TBCA: variants seen among roughly 807,000 people sequenced by gnomAD.
The protein encoded by TBCA is tubulin-specific chaperone A.
A neutral mutation model predicts 15.8 loss-of-function variants in TBCA; 6 were observed. The ratio of observed to expected loss-of-function variants is 0.38; its 90% confidence interval spans 0.21 to 0.75. The LOEUF (loss-of-function observed/expected upper bound fraction) is 0.75. Ranked by LOEUF, TBCA falls within the 30% of genes least tolerant of loss-of-function variation. The pLI is 0.46. For missense variants in TBCA, 90 were observed against 131.2 expected (o/e 0.69, Z 1.53); for synonymous variants, 32 against 42.3 (o/e 0.76, Z 0.94).
rs544450969 is a variant in TBCA, at chr5:77,739,450, C to T, written c.54-31103G>A. 2.0e-5 allele frequency among the ~76,000 whole-genome samples: 3 copies of T among 152,290 alleles called. No homozygotes were observed. In the South Asian group the frequency reaches 6.2e-4, roughly 32 times the overall value. ...CACTCTAAACAGAGTGAGTGAGGCGCTGTCTCAACAACAACAAAAGTTTGA... is the reference window on the plus strand; with the variant it reads ...CACTCTAAACAGAGTGAGTGAGGCGTTGTCTCAACAACAACAAAAGTTTGA... On this transcript the variant is annotated intron_variant, in intron 1 of 3. Coordinates refer to ENST00000380377, the MANE Select transcript of TBCA (RefSeq NM_004607.3).
At chr5:77,743,788 T>G (rs1263758096) in intron 1 of TBCA, among the ~76,000 whole-genome samples, 1 of 152,118 alleles carries the variant, frequency 6.6e-6, no homozygotes, top group Admixed American at 6.5e-5. Context: ...CTTCTGGGAG[T>G]TTTCACATCT....
At chr5:77,692,564 C>T in intron 3 of TBCA, 1 of 984,182 alleles carries the variant, frequency 1.0e-6, no homozygotes, top group Non-Finnish European at 1.2e-6. Flanking sequence ...GGATTACAGG[C>T]ATGAGCCACT....
At chr5:77,693,076 A>G in intron 3 of TBCA, 190 bp downstream of exon 3, 1 of 1,455,060 alleles carries the variant, frequency 6.9e-7, no homozygotes, top group South Asian at 1.5e-5. Context: ...AGAAAACAGT[A>G]CTTTTACTGG....
intron 1 of TBCA, among the ~76,000 whole-genome samples, chr5:77,730,213 G>A (rs1746733656): frequency 6.6e-6 from 1 of 152,146 alleles, no homozygotes; most frequent in Admixed American, 6.5e-5. Context: ...ATATAGTTAT[G>A]ATGGGGTCAT....
intron 1 of TBCA, among the ~76,000 whole-genome samples, chr5:77,768,078 C>A (rs1194232223): frequency 6.6e-6 from 1 of 152,192 alleles, no homozygotes; most frequent in East Asian, 1.9e-4. Flanking sequence ...CAGGCCCTCA[C>A]CAGATACTTG....
At chr5:77,757,314 G>A (rs1747498161) in intron 1 of TBCA, among the ~76,000 whole-genome samples, 1 of 152,080 alleles carries the variant, frequency 6.6e-6, no homozygotes, top group South Asian at 2.1e-4. Flanking sequence ...TACTTGCCTA[G>A]GAACGGGACC....
At chr5:77,774,256 CT>C (rs1747973056) in intron 1 of TBCA, among the ~76,000 whole-genome samples, 1 of 152,148 alleles carries the variant, frequency 6.6e-6, no homozygotes, top group Non-Finnish European at 1.5e-5. Context: ...AAATATATTT[CT>C]TTACATATTT....
Position 77,746,181 on chromosome 5 carries a change from C to A in TBCA, c.53+30024G>T, listed in dbSNP as rs555335821. On this transcript the variant is annotated intron_variant, in intron 1 of 3. Coordinates refer to ENST00000380377, the MANE Select transcript of TBCA (RefSeq NM_004607.3). Reference sequence around the variant, plus strand: ...TGGTAGCTCAGACCTGTAATCCCAGCACTTAGGGAGGCCAAGGAAGAAGCA... The same window carrying A: ...TGGTAGCTCAGACCTGTAATCCCAGAACTTAGGGAGGCCAAGGAAGAAGCA... 3.9e-5 allele frequency among the ~76,000 whole-genome samples: 6 copies of A among 152,190 alleles called. No individual in the cohort carries two copies. In the South Asian group the frequency reaches 1.2e-3, roughly 32 times the overall value.
chr5:77,758,741 T>C (rs1309965808), intron 1 of TBCA, among the ~76,000 whole-genome samples: 2 of 152,236 alleles, frequency 1.3e-5, no homozygotes, highest in Non-Finnish European at 2.9e-5. Flanking sequence ...GGAAGTTGTA[T>C]GTATGCCTGC....
intron 1 of TBCA, among the ~76,000 whole-genome samples, chr5:77,720,411 C>G (rs1430586701): frequency 6.6e-6 from 1 of 152,044 alleles, no homozygotes; most frequent in Non-Finnish European, 1.5e-5. Context: ...GCAGTTATTA[C>G]ACTTCTAAAA....
intron 1 of TBCA, among the ~76,000 whole-genome samples, chr5:77,746,515 C>T (rs895111780): frequency 2.0e-5 from 3 of 152,168 alleles, no homozygotes; most frequent in Non-Finnish European, 2.9e-5. Context: ...CCAATACTAC[C>T]TTGAATCACT....
At chr5:77,719,900 G>A (rs1746489725) in intron 1 of TBCA, among the ~76,000 whole-genome samples, 1 of 152,052 alleles carries the variant, frequency 6.6e-6, no homozygotes, top group African/African-American at 2.4e-5. Context: ...GAGTTTATAT[G>A]AGAAAGCAAT....
At chr5:77,702,744 T>C (rs1358740715) in intron 2 of TBCA, among the ~76,000 whole-genome samples, 4 of 152,226 alleles carry the variant, frequency 2.6e-5, no homozygotes, top group Non-Finnish European at 5.9e-5. Context: ...GGATGAAGGA[T>C]GTAACGACAC....
intron 1 of TBCA, among the ~76,000 whole-genome samples, chr5:77,763,210 C>T (rs1001612315): frequency 8.5e-5 from 13 of 152,068 alleles, no homozygotes; most frequent in African/African-American, 3.1e-4. Context: ...CGCCACTGCA[C>T]TCCTGCCTGG....
chr5:77,749,428 G>C (rs896897355), intron 1 of TBCA, among the ~76,000 whole-genome samples: 2 of 152,198 alleles, frequency 1.3e-5, no homozygotes, highest in Admixed American at 6.5e-5. Flanking sequence ...TTGTATAACA[G>C]ATGTGTGCAT....
chr5:77,705,074 A>G (rs1000049539), intron 2 of TBCA, among the ~76,000 whole-genome samples: 7 of 152,222 alleles, frequency 4.6e-5, no homozygotes, highest in Non-Finnish European at 1.0e-4. Context: ...CACAGAATTC[A>G]GTAGTTAATC....
intron 1 of TBCA, among the ~76,000 whole-genome samples, chr5:77,709,855 C>A (rs1407334334): frequency 6.6e-6 from 1 of 152,110 alleles, no homozygotes; most frequent in East Asian, 1.9e-4. Flanking sequence ...ATTCAAGCCA[C>A]AACATGGATG....
At chr5:77,751,145 G>GTCTT (rs1461887260) in intron 1 of TBCA, among the ~76,000 whole-genome samples, 84 of 140,526 alleles carry the variant, frequency 6.0e-4, no homozygotes, top group Non-Finnish European at 9.7e-4. Context: ...GGCCTGACCA[G>GTCTT]TCTTTCTTTC....
chr5:77,700,390 A>C lies in TBCA; in HGVS notation c.160-7038T>G, dbSNP rs565350461. ...AAAACAAAGCATCCAATTAGTGGGC[A>C]AAAGGCCTGATCACTCATTTTCACT... On this transcript the variant is annotated intron_variant, in intron 2 of 3. Transcript: ENST00000380377. Among the ~76,000 whole-genome samples the C allele has an allele frequency of 1.8e-4, 27 of 152,340 alleles. No individual in the cohort carries two copies. In the South Asian group the frequency reaches 2.9e-3, roughly 16 times the overall value.
Sources: allele counts gnomAD v4.1 joint callset (sites outside exome capture counted in the v4.1 genomes callset), GRCh38; gene constraint gnomAD v4.1.1; transcripts MANE v1.5; gene names NCBI Gene and HGNC (gene_info 2026-07-23, HGNC 2026-07-21).